KLHL18: variants seen among roughly 807,000 people sequenced by gnomAD.
KLHL18 encodes the protein kelch-like protein 18.
In KLHL18, 38 loss-of-function variants were observed where a neutral mutation model predicts 58.5. The ratio of observed to expected loss-of-function variants is 0.65; its 90% CI spans 0.50 to 0.85. The LOEUF (loss-of-function observed/expected upper bound fraction) is 0.85, where lower values mean the gene tolerates loss of function less well. Among genes scored for constraint, KLHL18 ranks in the 40% least tolerant of loss-of-function variants. The pLI is 0.00. For missense variants in KLHL18, 624 were observed against 778.4 expected (o/e 0.80, Z 2.36); for synonymous variants, 303 against 301.9 (o/e 1.00, Z -0.04).
At chr3:47,335,177 A>T (rs1271341080) in intron 6 of KLHL18, among the ~76,000 whole-genome samples, 1 of 152,154 alleles carries the variant, frequency 6.6e-6, no homozygotes, top group Non-Finnish European at 1.5e-5. Context: ...CTAATATCAC[A>T]TTGGCTATGG....
chr3:47,321,039 A>G (rs373692127), intron 2 of KLHL18, among the ~76,000 whole-genome samples: 3 of 152,250 alleles, frequency 2.0e-5, no homozygotes, highest in Non-Finnish European at 2.9e-5. Flanking sequence ...TGCTCGTCCC[A>G]TGAATAGTCC....
intron 1 of KLHL18, among the ~76,000 whole-genome samples, chr3:47,317,932 G>A (rs1576163503): frequency 6.6e-6 from 1 of 152,156 alleles, no homozygotes; most frequent in Non-Finnish European, 1.5e-5. Flanking sequence ...GCAGTGGCAC[G>A]ATCTTGGCTC....
intron 1 of KLHL18, among the ~76,000 whole-genome samples, chr3:47,310,934 C>T (rs2107612277): frequency 6.6e-6 from 1 of 152,304 alleles, no homozygotes; most frequent in Middle Eastern, 3.4e-3. Flanking sequence ...CCTGTCCCTC[C>T]AGTTCATACT....
intron 3 of KLHL18, among the ~76,000 whole-genome samples, chr3:47,328,809 T>C (rs1703784543): frequency 6.6e-6 from 1 of 152,136 alleles, no homozygotes; most frequent in Non-Finnish European, 1.5e-5. Flanking sequence ...TGATAGCTGC[T>C]GCTGTTGTTT....
chr3:47,327,836 A>G (rs1703761311), intron 3 of KLHL18, among the ~76,000 whole-genome samples: 1 of 152,224 alleles, frequency 6.6e-6, no homozygotes, highest in African/African-American at 2.4e-5. Flanking sequence ...GCTAGGGGAC[A>G]ATAGTGAATA....
At chr3:47,312,461 A>T (rs1349508561) in intron 1 of KLHL18, among the ~76,000 whole-genome samples, 1 of 152,158 alleles carries the variant, frequency 6.6e-6, no homozygotes, top group Non-Finnish European at 1.5e-5. Flanking sequence ...CCAACCAGTT[A>T]TGTGTTTCTT....
chr3:47,290,082 T>C (rs868866575), intron 1 of KLHL18, among the ~76,000 whole-genome samples: 5 of 152,244 alleles, frequency 3.3e-5, no homozygotes, highest in Non-Finnish European at 5.9e-5. Flanking sequence ...TTAAGGGATT[T>C]GCCCATGGCA....
chr3:47,304,506 G>A (rs1703096636), intron 1 of KLHL18, among the ~76,000 whole-genome samples: 1 of 152,138 alleles, frequency 6.6e-6, no homozygotes, highest in African/African-American at 2.4e-5. Context: ...CACAAGTCCT[G>A]TACATTGGTT....
intron 1 of KLHL18, among the ~76,000 whole-genome samples, chr3:47,285,563 A>G (rs937946420): frequency 1.3e-4 from 20 of 151,964 alleles, no homozygotes; most frequent in African/African-American, 4.6e-4. Context: ...TTGGGGAAAA[A>G]AAAAAAAAGA....
At chr3:47,302,140 G>A (rs1348130303) in intron 1 of KLHL18, among the ~76,000 whole-genome samples, 1 of 152,138 alleles carries the variant, frequency 6.6e-6, no homozygotes, top group African/African-American at 2.4e-5. Context: ...ATTATGTTAT[G>A]TGTTATACTG....
intron 1 of KLHL18, chr3:47,297,758 T>A (rs1018682808): frequency 9.9e-6 from 4 of 402,410 alleles, no homozygotes; most frequent in African/African-American, 8.3e-5. Flanking sequence ...ATTCATTAAG[T>A]ACAACTGAGT....
At chr3:47,308,934 T>C (rs2107608183) in intron 1 of KLHL18, among the ~76,000 whole-genome samples, 1 of 152,304 alleles carries the variant, frequency 6.6e-6, no homozygotes, top group African/African-American at 2.4e-5. Context: ...GCAGTGTTTG[T>C]ATCCCTGGGT....
chr3:47,323,769 C>G (rs1281994878), intron 3 of KLHL18, among the ~76,000 whole-genome samples: 1 of 152,184 alleles, frequency 6.6e-6, no homozygotes, highest in Non-Finnish European at 1.5e-5. Flanking sequence ...CTACTCTGAT[C>G]ACTAGGTATC....
intron 3 of KLHL18, among the ~76,000 whole-genome samples, chr3:47,328,078 A>C (rs1287839166): frequency 6.6e-6 from 1 of 152,180 alleles, no homozygotes; most frequent in Non-Finnish European, 1.5e-5. Context: ...GTAGTAAGAA[A>C]AACAAGCTGG....
At chr3:47,288,504 C>T (rs1395767088) in intron 1 of KLHL18, among the ~76,000 whole-genome samples, 3 of 152,136 alleles carry the variant, frequency 2.0e-5, no homozygotes, top group East Asian at 1.9e-4. Flanking sequence ...TCCTTAATGG[C>T]GTGTCATCTT....
intron 3 of KLHL18, among the ~76,000 whole-genome samples, chr3:47,326,931 GAAA>G (rs967876480): frequency 7.2e-6 from 1 of 138,884 alleles, no homozygotes; most frequent in Non-Finnish European, 1.6e-5. Flanking sequence ...CAAAAAAAAA[GAAA>G]AAAAAAAAGG....
intron 1 of KLHL18, among the ~76,000 whole-genome samples, chr3:47,288,720 C>G (rs1361389532): frequency 6.6e-6 from 1 of 152,188 alleles, no homozygotes; most frequent in Admixed American, 6.5e-5. Flanking sequence ...AAATCACATT[C>G]TGTATCTCCC....
intron 1 of KLHL18, among the ~76,000 whole-genome samples, chr3:47,294,050 A>C (rs144878279): frequency 1.5e-4 from 23 of 152,334 alleles, no homozygotes; most frequent in African/African-American, 5.5e-4. Flanking sequence ...GATCCTCTTC[A>C]TCTTTTACCT....
At chr3:47,343,241 G>A (rs1314385805) in intron 9 of KLHL18, among the ~76,000 whole-genome samples, 1 of 152,236 alleles carries the variant, frequency 6.6e-6, no homozygotes, top group South Asian at 2.1e-4. Flanking sequence ...AGTCAGTGCT[G>A]CAGTGGAGAG....
Sources: gnomAD v4.1 joint callset for allele counts (sites outside exome capture counted in the v4.1 genomes callset) on GRCh38, gnomAD v4.1.1 for gene constraint, MANE v1.5 for transcripts, NCBI Gene and HGNC (gene_info 2026-07-23, HGNC 2026-07-21) for gene names.